Variants in RGS7 observed in about 807,000 individuals in gnomAD.
The protein encoded by RGS7 is regulator of G-protein signaling 7.
Under a neutral mutation model 81.1 loss-of-function variants are expected in RGS7, and 27 were observed. The observed-to-expected ratio is 0.33, with a 90% CI of 0.25 to 0.46. RGS7 has a LOEUF of 0.46. RGS7 is among the 20% of genes least tolerant of loss of function. The pLI is 1.00. For missense variants in RGS7, 396 were observed against 607.4 expected (o/e 0.65, Z 3.66); for synonymous variants, 208 against 207.7 (o/e 1.00, Z -0.01).
At chr1:241,153,722 TTAC>T (rs1231047076) in intron 2 of RGS7, among the ~76,000 whole-genome samples, 6 of 152,250 alleles carry the variant, frequency 3.9e-5, no homozygotes, top group Non-Finnish European at 7.3e-5. Context: ...CTCCTTGGCC[TTAC>T]TACTTTGTTC....
intron 4 of RGS7, among the ~76,000 whole-genome samples, chr1:240,938,865 A>C (rs1677086029): frequency 6.6e-6 from 1 of 151,430 alleles, no homozygotes; most frequent in South Asian, 2.1e-4. Context: ...TCATTTCAAC[A>C]TCCTTTCAGT....
intron 2 of RGS7, among the ~76,000 whole-genome samples, chr1:241,275,716 A>G (rs1451462482): frequency 6.6e-6 from 1 of 152,258 alleles, no homozygotes; most frequent in Admixed American, 6.5e-5. Context: ...CAGCTGGGAG[A>G]GAATCAAGCA....
intron 3 of RGS7, among the ~76,000 whole-genome samples, chr1:241,090,535 G>A (rs2063807936): frequency 6.6e-6 from 1 of 152,080 alleles, no homozygotes; most frequent in Non-Finnish European, 1.5e-5. Flanking sequence ...TTTAATTTAA[G>A]CCATGAGACG....
chr1:241,315,107 CT>C (rs5782184), intron 2 of RGS7, among the ~76,000 whole-genome samples: 17 of 57,432 alleles, frequency 3.0e-4, no homozygotes, highest in East Asian at 5.5e-4. Flanking sequence ...TCTTCTTCTT[CT>C]TTTTTTTTTT....
chr1:240,943,550 G>C (rs1572889825), intron 4 of RGS7, among the ~76,000 whole-genome samples: 1 of 152,152 alleles, frequency 6.6e-6, no homozygotes, highest in East Asian at 1.9e-4. Context: ...AGCTAGTGTT[G>C]CTCTGGGTTT....
rs58156120 is a variant in RGS7, at chr1:241,290,393, A to T, written c.78+65306T>A. On this transcript the variant is annotated intron_variant, in intron 2 of 18. Coordinates refer to ENST00000440928, the MANE Select transcript of RGS7 (RefSeq NM_001364886.1). ...TAACTTTTCTGACAAAAGCTTACCA[A>T]AATACAGCAATGACTTAGAAATTTA... Among the ~76,000 whole-genome samples the T allele has an allele frequency of 3.7e-3, 561 of 152,368 alleles. 29 individuals are homozygous for T. The East Asian group carries it at 0.081, about 22-fold the overall frequency.
At chr1:241,196,991 T>TTA (rs1553281045) in intron 2 of RGS7, among the ~76,000 whole-genome samples, 34 of 132,602 alleles carry the variant, frequency 2.6e-4, no homozygotes, top group African/African-American at 9.6e-4. Flanking sequence ...CAAAAGAATG[T>TTA]AAAAAAAAAA....
intron 3 of RGS7, among the ~76,000 whole-genome samples, chr1:241,088,283 C>T (rs1358167845): frequency 2.6e-5 from 4 of 151,782 alleles, no homozygotes; most frequent in Non-Finnish European, 5.9e-5. Context: ...GTCTGAGAGG[C>T]AGGGAGGGAC....
intron 2 of RGS7, among the ~76,000 whole-genome samples, chr1:241,254,213 A>AAAAAG (rs2076959613): frequency 6.6e-6 from 1 of 151,708 alleles, no homozygotes; most frequent in East Asian, 1.9e-4. Flanking sequence ...AAAAAAAAAA[A>AAAAAG]AAAGAAAGAA....
At chr1:241,120,260 G>A (rs1391872552) in intron 2 of RGS7, among the ~76,000 whole-genome samples, 4 of 152,126 alleles carry the variant, frequency 2.6e-5, no homozygotes, top group Non-Finnish European at 5.9e-5. Flanking sequence ...AAGTTCAGGG[G>A]CTTTGAGAAG....
chr1:240,893,429 C>T (rs1364319452), intron 6 of RGS7, among the ~76,000 whole-genome samples: 2 of 152,080 alleles, frequency 1.3e-5, no homozygotes, highest in East Asian at 1.9e-4. Flanking sequence ...TCTTTCTCTT[C>T]CCTGATTCAT....
intron 6 of RGS7, among the ~76,000 whole-genome samples, chr1:240,923,696 C>T (rs1028498714): frequency 1.4e-4 from 20 of 144,904 alleles, no homozygotes; most frequent in Admixed American, 5.0e-4. Context: ...AAATTAAATG[C>T]CAAATGGAAT....
intron 10 of RGS7, chr1:240,822,932 A>G: frequency 2.2e-6 from 1 of 448,418 alleles, no homozygotes; most frequent in South Asian, 2.1e-5. Context: ...CCGAAATACT[A>G]GAAAACAGTG....
intron 2 of RGS7, among the ~76,000 whole-genome samples, chr1:241,168,101 C>T (rs2070411378): frequency 6.6e-6 from 1 of 152,154 alleles, no homozygotes; most frequent in African/African-American, 2.4e-5. Context: ...ACTCCAAATG[C>T]ACTAGCAACC....
intron 6 of RGS7, among the ~76,000 whole-genome samples, chr1:240,892,275 G>A (rs1353104383): frequency 6.6e-6 from 1 of 152,004 alleles, no homozygotes; most frequent in Non-Finnish European, 1.5e-5. Flanking sequence ...ATTCTAAATT[G>A]CTTTCATCAT....
At chr1:241,128,509 C>G (rs2066848070) in intron 2 of RGS7, among the ~76,000 whole-genome samples, 1 of 148,422 alleles carries the variant, frequency 6.7e-6, no homozygotes, top group Non-Finnish European at 1.5e-5. Context: ...AACGCTTGAA[C>G]CCGGGGCGGA....
At chr1:241,023,140 A>C (rs1450852325) in intron 3 of RGS7, among the ~76,000 whole-genome samples, 1 of 148,360 alleles carries the variant, frequency 6.7e-6, no homozygotes, top group African/African-American at 2.5e-5. Context: ...TAAAATAACA[A>C]CTATGAGATA....
At chr1:241,245,234 G>A (rs1299695736) in intron 2 of RGS7, among the ~76,000 whole-genome samples, 1 of 152,054 alleles carries the variant, frequency 6.6e-6, no homozygotes, top group Non-Finnish European at 1.5e-5. Context: ...CTGGTGGGAG[G>A]TGATTGGATC....
chr1:241,094,875 C>G (rs7518327), intron 3 of RGS7, among the ~76,000 whole-genome samples: 7,408 of 152,176 alleles, frequency 0.049, 606 homozygotes, highest in African/African-American at 0.17. Flanking sequence ...TCCTTTGAAG[C>G]ATGGGAGTTG....
Sources: gnomAD v4.1 joint callset for allele counts (sites outside exome capture counted in the v4.1 genomes callset) on GRCh38, gnomAD v4.1.1 for gene constraint, MANE v1.5 for transcripts, NCBI Gene and HGNC (gene_info 2026-07-23, HGNC 2026-07-21) for gene names.